Variants in ATP2B3 observed in about 807,000 individuals in gnomAD.
The protein encoded by ATP2B3 is ATPase plasma membrane Ca2+ transporting 3, also known as plasma membrane calcium-transporting ATPase 3.
ATP2B3 carries 12 observed loss-of-function variants against 70.8 expected under a neutral mutation model. The observed-to-expected ratio is 0.17, with a 90% confidence interval of 0.11 to 0.27. The LOEUF is 0.27. Ranked by LOEUF, ATP2B3 falls within the 10% of genes least tolerant of loss-of-function variation. ATP2B3 has a pLI of 1.00. For missense variants in ATP2B3, 858 were observed against 1,118.5 expected (o/e 0.77, Z 3.32); for synonymous variants, 460 against 497.8 (o/e 0.92, Z 1.01).
chrX:153,529,386 G>A (rs1489361636), intron 2 of ATP2B3, among the ~76,000 whole-genome samples: 1 of 111,648 alleles, frequency 9.0e-6, no homozygotes, highest in East Asian at 2.8e-4. Flanking sequence ...TTTCCTGGAA[G>A]TTAAAATCCA....
rs781871751 is a variant in ATP2B3, at chrX:153,541,766, G to A, written c.504G>A (p.Val168=). The part of the protein sequence containing the change: ...AAILLSVICV[V]LVTAFNDWSK... ...TCCTGCTGTCCGTCATCTGTGTGGTGCTGGTCACGGCCTTCAATGACTGGA... is the reference window on the plus strand; with the variant it reads ...TCCTGCTGTCCGTCATCTGTGTGGTACTGGTCACGGCCTTCAATGACTGGA... The change falls in exon 5 of 22, where the codon GTG becomes GTA. Residue 168 remains valine (V), a synonymous_variant. Coordinates refer to ENST00000263519, the MANE Select transcript of ATP2B3 (RefSeq NM_001001344.3). 33 of 1,210,026 alleles carry A rather than the reference G, an allele frequency of 2.7e-5. No homozygotes were observed. Among genetic ancestry groups the A allele is most frequent in the Admixed American group, 8.7e-5 (4 of 45,806 alleles).
At chrX:153,568,751 C>T (rs1476243405) in intron 21 of ATP2B3, among the ~76,000 whole-genome samples, 2 of 112,556 alleles carry the variant, frequency 1.8e-5, no homozygotes, top group African/African-American at 6.4e-5. Flanking sequence ...ACTCAAGCTG[C>T]CTTCTTCCAC....
rs1557007156 is a variant in ATP2B3 at position 153,542,580 on chromosome X, G to A, written c.790+132G>A. 4 of 938,058 alleles carry A rather than the reference G, an allele frequency of 4.3e-6. No individual in the cohort carries two copies. In the East Asian group the frequency reaches 1.4e-4, roughly 32 times the overall value. The allele number at this position is 938,058 out of a possible 1,213,427, so 77.3% of individuals were successfully genotyped here. A position where few individuals can be genotyped will look rare whatever the true frequency, so the allele number is the denominator to read the frequency against. On this transcript the variant is annotated intron_variant, in intron 6 of 21. Transcript: ENST00000263519. Reference sequence around the variant, plus strand: ...GGCCTTCCAGCATAACCTTCAGGTTGGGAATCTGAAGACTCCGCCCGTCTT... The same window carrying A: ...GGCCTTCCAGCATAACCTTCAGGTTAGGAATCTGAAGACTCCGCCCGTCTT...
chrX:153,569,306 C>G (rs1557019144), intron 21 of ATP2B3: 1 of 537,904 alleles, frequency 1.9e-6, no homozygotes, highest in South Asian at 2.3e-5. Flanking sequence ...AAGTGGCTTG[C>G]AAGGGGCATT....
chrX:153,560,037 G>A (rs1263462916), intron 18 of ATP2B3, 95 bp downstream of exon 18: 67 of 906,353 alleles, frequency 7.4e-5, no homozygotes, highest in African/African-American at 4.5e-4. Flanking sequence ...CTGTGTCTCC[G>A]CACCCAGTAC....
chrX:153,527,113 C>T (rs1557000115), intron 2 of ATP2B3, among the ~76,000 whole-genome samples: 4 of 112,771 alleles, frequency 3.5e-5, no homozygotes, highest in South Asian at 3.7e-4. Context: ...TAGGCCCCGA[C>T]GGCTTCCGGT....
chrX:153,574,316 G>A (rs1023556103), intron 21 of ATP2B3, among the ~76,000 whole-genome samples: 47 of 112,576 alleles, frequency 4.2e-4, no homozygotes, highest in African/African-American at 1.5e-3. Flanking sequence ...CCTGGCTGCT[G>A]TGTTCAGAAT....
Position 153,553,185 on chromosome X carries a change from G to A in ATP2B3, c.1974G>A (p.Glu658=). Residue 658 remains glutamate (E), a synonymous_variant, in exon 13 of 22, where the codon GAG becomes GAA. Transcript: ENST00000263519. The part of the protein sequence containing the change: ...IAYRDFSAGQ[E]PDWDNENEVV... ...ACCGGGACTTCTCTGCAGGCCAGGA[G>A]CCCGACTGGGACAACGAGAATGAGG... is the stretch of plus-strand genomic sequence containing the variant. 1 of 1,211,855 alleles carries A rather than the reference G, an allele frequency of 8.3e-7. No individual in the cohort carries two copies. The highest frequency in any genetic ancestry group is 1.1e-6 in the Non-Finnish European group (1 of 895,489).
chrX:153,525,069 G>A (rs782726824), intron 2 of ATP2B3, among the ~76,000 whole-genome samples: 6 of 112,106 alleles, frequency 5.4e-5, no homozygotes, highest in African/African-American at 9.7e-5. Flanking sequence ...ATAGCCAGAC[G>A]GCCCTGGGAA....
rs912278377 is a variant in ATP2B3, at chrX:153,536,246, G to A, written c.-2G>A. ...CACTTGTGAGAAGGCCTGACAGGCA[G>A]CATGGGCGACATGGCCAATAGTTCC... On this transcript the variant is annotated 5_prime_UTR_variant, in exon 3 of 22. Transcript: ENST00000263519. 6 of 1,189,235 alleles carry A rather than the reference G, an allele frequency of 5.0e-6. No individual in the cohort carries two copies. Among genetic ancestry groups the A allele is most frequent in the Admixed American group, 4.7e-5 (2 of 42,890 alleles).
chrX:153,520,228 G>A (rs1293388845), intron 2 of ATP2B3, among the ~76,000 whole-genome samples: 1 of 112,822 alleles, frequency 8.9e-6, no homozygotes, highest in Non-Finnish European at 1.9e-5. Flanking sequence ...GGGGTCAGCC[G>A]TGGAGGACCC....
chrX:153,527,131 G>A (rs1200529273), intron 2 of ATP2B3, among the ~76,000 whole-genome samples: 1 of 112,739 alleles, frequency 8.9e-6, no homozygotes, highest in Non-Finnish European at 1.9e-5. Context: ...GGTCCTCAGA[G>A]CTGGCTCTGA....
At chrX:153,543,842 C>G (rs781982251) in intron 7 of ATP2B3, among the ~76,000 whole-genome samples, 28 of 112,643 alleles carry the variant, frequency 2.5e-4, no homozygotes, top group Admixed American at 7.4e-4. Flanking sequence ...CTTCTGGCCT[C>G]TCCTGCAGCC....
At chrX:153,543,452 C>T (rs2090317556) in intron 7 of ATP2B3, among the ~76,000 whole-genome samples, 1 of 112,924 alleles carries the variant, frequency 8.9e-6, no homozygotes, top group African/African-American at 3.2e-5. Flanking sequence ...ACAGGAATGG[C>T]GTTAGAGGGA....
At position 153,580,415 on chromosome X, in the gene ATP2B3, C is replaced by G; in HGVS notation, c.*117C>G. 1 of 779,575 alleles carries G rather than the reference C, an allele frequency of 1.3e-6. No individual in the cohort carries two copies. Among genetic ancestry groups the G allele is most frequent in the Non-Finnish European group, 1.8e-6 (1 of 554,843 alleles). The allele number at this position is 779,575 out of a possible 1,213,427, so 64.2% of individuals were successfully genotyped here. ...GCACACCTGCAAAACGAGGGAACAA[C>G]TAAGGTGGCTGAAGACCTTTCTGGC... is the stretch of plus-strand genomic sequence containing the variant. On this transcript the variant is annotated 3_prime_UTR_variant, in exon 22 of 22. Coordinates refer to ENST00000263519, the MANE Select transcript of ATP2B3 (RefSeq NM_001001344.3).
chrX:153,565,139 C>T (rs1477516287), intron 21 of ATP2B3, 36 bp downstream of exon 21: 6 of 1,146,338 alleles, frequency 5.2e-6, no homozygotes, highest in Non-Finnish European at 7.0e-6. Context: ...GGCACTTCCA[C>T]CCCAAGAGGG....
intron 16 of ATP2B3, among the ~76,000 whole-genome samples, 174 bp downstream of exon 16, chrX:153,557,197 G>A (rs1464740109): frequency 8.9e-6 from 1 of 112,246 alleles, no homozygotes. Context: ...TCTGCCAGTC[G>A]GGGGACATGT....
intron 17 of ATP2B3, among the ~76,000 whole-genome samples, chrX:153,558,782 T>C (rs782021359): frequency 8.0e-5 from 9 of 112,221 alleles, no homozygotes; most frequent in Middle Eastern, 4.6e-3. Context: ...CTCATAACAC[T>C]CCACGGCACA....
intron 21 of ATP2B3, among the ~76,000 whole-genome samples, chrX:153,578,804 G>A (rs2090888873): frequency 8.9e-6 from 1 of 112,385 alleles, no homozygotes; most frequent in African/African-American, 3.2e-5. Context: ...TGGAATGTCT[G>A]ACTGGAAGAT....
Sources: allele counts gnomAD v4.1 joint callset (sites outside exome capture counted in the v4.1 genomes callset), GRCh38; gene constraint gnomAD v4.1.1; transcripts MANE v1.5; gene names NCBI Gene and HGNC (gene_info 2026-07-23, HGNC 2026-07-21).